Variants in SLC16A10 observed in about 807,000 individuals in gnomAD.
SLC16A10 encodes the protein solute carrier family 16 member 10.
SLC16A10 carries 27 observed loss-of-function variants against 40.0 expected under a neutral mutation model. The observed-to-expected ratio is 0.67, with a 90% CI of 0.50 to 0.93. SLC16A10 has a LOEUF of 0.93. Among genes scored for constraint, SLC16A10 ranks in the 40% least tolerant of loss-of-function variants. SLC16A10 has a pLI of 0.00. For synonymous variants in SLC16A10, 213 were observed against 249.8 expected, an observed-to-expected ratio of 0.85 and a Z score of 1.39; for missense variants, 529 against 658.2, an observed-to-expected ratio of 0.80 and a Z score of 2.15.
At chr6:111,090,427 T>C (rs372775863) in intron 1 of SLC16A10, among the ~76,000 whole-genome samples, 1 of 152,174 alleles carries the variant, frequency 6.6e-6, no homozygotes, top group South Asian at 2.1e-4. Context: ...GTAATGGCCC[T>C]GTATAACACA....
intron 1 of SLC16A10, among the ~76,000 whole-genome samples, chr6:111,128,871 ATT>A (rs1771729360): frequency 6.6e-6 from 1 of 150,704 alleles, no homozygotes. Context: ...TATTCATTTT[ATT>A]TTTTCATATT....
chr6:111,186,699 C>T (rs1772903633), intron 3 of SLC16A10, among the ~76,000 whole-genome samples: 1 of 152,154 alleles, frequency 6.6e-6, no homozygotes, highest in African/African-American at 2.4e-5. Context: ...AGCACCCAAA[C>T]AAAGTTCTAG....
At chr6:111,156,612 A>G (rs1772274794) in intron 1 of SLC16A10, among the ~76,000 whole-genome samples, 1 of 152,218 alleles carries the variant, frequency 6.6e-6, no homozygotes, top group Non-Finnish European at 1.5e-5. Context: ...ATCTGAAACA[A>G]GAAAAGTCTG....
chr6:111,103,202 G>A (rs751675753), intron 1 of SLC16A10, among the ~76,000 whole-genome samples: 3 of 151,708 alleles, frequency 2.0e-5, no homozygotes, highest in Admixed American at 6.6e-5. Context: ...CACCGGGCCC[G>A]GCTCCCCATT....
chr6:111,162,320 T>C (rs545810399), intron 1 of SLC16A10, among the ~76,000 whole-genome samples: 4 of 152,280 alleles, frequency 2.6e-5, no homozygotes, highest in Admixed American at 2.6e-4. Flanking sequence ...CAGCCATGGG[T>C]TTGTATCCTC....
At chr6:111,094,013 G>A (rs981904804) in intron 1 of SLC16A10, among the ~76,000 whole-genome samples, 1 of 152,124 alleles carries the variant, frequency 6.6e-6, no homozygotes. Context: ...TGAGATTCCT[G>A]TGGTGTTTTT....
At chr6:111,178,914 CT>C (rs1772740995) in intron 3 of SLC16A10, among the ~76,000 whole-genome samples, 1 of 152,188 alleles carries the variant, frequency 6.6e-6, no homozygotes, top group African/African-American at 2.4e-5. Context: ...GAATATAGAT[CT>C]GTTGTGACAG....
intron 3 of SLC16A10, among the ~76,000 whole-genome samples, chr6:111,179,881 C>G (rs1772758416): frequency 6.6e-6 from 1 of 152,202 alleles, no homozygotes; most frequent in Non-Finnish European, 1.5e-5. Context: ...GTTTAAATCT[C>G]CTCTTTGGTT....
chr6:111,205,031 C>T (rs1024067252), intron 3 of SLC16A10, among the ~76,000 whole-genome samples: 2 of 151,888 alleles, frequency 1.3e-5, no homozygotes, highest in African/African-American at 2.4e-5. Flanking sequence ...CAACAGATTA[C>T]GGAGAGCTTT....
At chr6:111,112,479 CTG>C (rs1312548929) in intron 1 of SLC16A10, among the ~76,000 whole-genome samples, 1 of 152,168 alleles carries the variant, frequency 6.6e-6, no homozygotes, top group Non-Finnish European at 1.5e-5. Flanking sequence ...AGTGCAGGGG[CTG>C]TGTCTGTCTT....
chr6:111,094,677 C>A (rs141072796), intron 1 of SLC16A10, among the ~76,000 whole-genome samples: 121 of 152,154 alleles, frequency 8.0e-4, no homozygotes, highest in African/African-American at 2.8e-3. Flanking sequence ...TCACTGTGTT[C>A]CCCAGGCTGG....
intron 1 of SLC16A10, among the ~76,000 whole-genome samples, chr6:111,116,432 G>C (rs930348672): frequency 1.3e-5 from 2 of 151,490 alleles, no homozygotes; most frequent in Admixed American, 1.3e-4. Flanking sequence ...TGGCCAGGCT[G>C]GTCTCGAACT....
chr6:111,193,283 T>G, intron 3 of SLC16A10: 2 of 985,842 alleles, frequency 2.0e-6, no homozygotes, highest in Non-Finnish European at 1.2e-6. Context: ...TTGCATTTAT[T>G]TTCCTTCAGA....
Position 111,115,043 on chromosome 6 carries a change from A to G in SLC16A10, c.343+26948A>G, listed in dbSNP as rs1055644672. Among the ~76,000 whole-genome samples, 5 of 152,050 alleles carry G rather than the reference A, an allele frequency of 3.3e-5. No individual in the cohort carries two copies. The East Asian group carries it at 9.7e-4, about 29-fold the overall frequency. On this transcript the variant is annotated intron_variant, in intron 1 of 5. Transcript: ENST00000368851. ...GTGGATTCTATTTTTTTTAAATAGT[A>G]TTTAATTGTATGTTCTTCTACACTT...
At position 111,223,995 on chromosome 6, in the gene SLC16A10, T is replaced by A. The variant is rs985020103; in HGVS notation, c.*1760T>A. 6.6e-6 allele frequency: 1 copy of A among 152,230 alleles called. No individual in the cohort carries two copies. Among genetic ancestry groups the A allele is most frequent in the Non-Finnish European group, 1.5e-5 (1 of 68,098 alleles). 9.4% of individuals were successfully genotyped at this position (152,230 alleles called of 1,614,324 possible). A position where few individuals can be genotyped will look rare whatever the true frequency, so the allele number is the denominator to read the frequency against. On this transcript the variant is annotated 3_prime_UTR_variant, in exon 6 of 6. Coordinates refer to ENST00000368851, the MANE Select transcript of SLC16A10 (RefSeq NM_018593.5). Reference sequence around the variant, plus strand: ...TGGCTCATGCCTGTAATCCTAGCACTTTGGTAGTCCAAGGCAGGGGGATCA... The same window carrying A: ...TGGCTCATGCCTGTAATCCTAGCACATTGGTAGTCCAAGGCAGGGGGATCA...
rs111293348 is a variant in SLC16A10 at position 111,115,741 on chromosome 6, G to A, written c.343+27646G>A. On this transcript the variant is annotated intron_variant, in intron 1 of 5. Transcript: ENST00000368851. ...GCAAAACTCAGTAGTATCATGCCTA[G>A]AGATCTGATAAAGAGGCACTTTTAA... 2.6e-3 allele frequency among the ~76,000 whole-genome samples: 389 copies of A among 152,190 alleles called. 2 individuals are homozygous for A. The highest frequency in any genetic ancestry group is 8.9e-3 in the African/African-American group (368 of 41,530).
chr6:111,113,881 C>T (rs952855544), intron 1 of SLC16A10, among the ~76,000 whole-genome samples: 3 of 152,074 alleles, frequency 2.0e-5, no homozygotes, highest in African/African-American at 4.8e-5. Flanking sequence ...GAGTAAAAGC[C>T]GGGTCTGAGG....
intron 1 of SLC16A10, among the ~76,000 whole-genome samples, chr6:111,164,886 C>G (rs186564860): frequency 2.4e-3 from 368 of 152,332 alleles, no homozygotes; most frequent in South Asian, 7.9e-3. Flanking sequence ...TACCAATAAT[C>G]TCTAAAACTT....
In SLC16A10 at chr6:111,091,086, T is replaced by A. The variant is rs1770967115; in HGVS notation, c.343+2991T>A. 2 of 152,220 alleles carry A rather than the reference T, an allele frequency of 1.3e-5. 1 individual carries two copies. Among genetic ancestry groups the A allele is most frequent in the South Asian group, 4.1e-4 (2 of 4,830 alleles). 9.4% of individuals were successfully genotyped at this position (152,220 alleles called of 1,614,324 possible). A position where few individuals can be genotyped will look rare whatever the true frequency, so the allele number is the denominator to read the frequency against. On this transcript the variant is annotated intron_variant, in intron 1 of 5. Coordinates refer to ENST00000368851, the MANE Select transcript of SLC16A10 (RefSeq NM_018593.5). ...ACCACGATTCTCTGATAGACTTTGT[T>A]AATATCTTTCTTTTCAGATATGGGA...
Sources: gnomAD v4.1 joint callset for allele counts (sites outside exome capture counted in the v4.1 genomes callset) on GRCh38, gnomAD v4.1.1 for gene constraint, MANE v1.5 for transcripts, NCBI Gene and HGNC (gene_info 2026-07-23, HGNC 2026-07-21) for gene names.